The following TSPAN13 variants were observed in gnomAD, a reference collection of about 807,000 sequenced individuals.
TSPAN13 encodes tetraspanin 13.
Under a neutral mutation model 26.9 loss-of-function variants are expected in TSPAN13, and 18 were observed. The observed-to-expected ratio is 0.67, with a 90% CI of 0.46 to 0.99. TSPAN13 has a LOEUF of 0.99. Among genes scored for constraint, TSPAN13 ranks in the 50% least tolerant of loss-of-function variants. The pLI is 0.00. For missense variants in TSPAN13, 201 were observed against 249.6 expected (o/e 0.81, Z 1.31); for synonymous variants, 116 against 98.4 (o/e 1.18, Z -1.06).
intron 1 of TSPAN13, among the ~76,000 whole-genome samples, chr7:16,764,079 G>T (rs183192749): frequency 1.3e-5 from 2 of 152,030 alleles, no homozygotes; most frequent in African/African-American, 4.8e-5. Context: ...GTACAGTGGC[G>T]CAGTCTTGAC....
intron 1 of TSPAN13, among the ~76,000 whole-genome samples, chr7:16,757,506 C>G (rs1352463597): frequency 7.3e-6 from 1 of 136,270 alleles, no homozygotes; most frequent in Non-Finnish European, 1.7e-5. Context: ...AAACAAACAA[C>G]CAAAAAAAAG....
At chr7:16,764,184 ATTTT>A (rs60512988) in intron 1 of TSPAN13, among the ~76,000 whole-genome samples, 40 of 144,330 alleles carry the variant, frequency 2.8e-4, no homozygotes, top group Non-Finnish European at 3.4e-4. Flanking sequence ...TGCCCAGCTA[ATTTT>A]TTTTTTTTTT....
chr7:16,753,766 G>T lies in TSPAN13; in HGVS notation c.-202G>T, dbSNP rs1475666977. ...CTCGGGCTCCTGCTCCGGCTCAGCT[G>T]CGGCGGCCGCAGGTTCCAAAGCGGG... On this transcript the variant is annotated 5_prime_UTR_variant, in exon 1 of 6. Coordinates refer to ENST00000262067, the MANE Select transcript of TSPAN13 (RefSeq NM_014399.4). The T allele has an allele frequency of 4.4e-6, 2 of 455,908 alleles. No homozygotes were observed. Among genetic ancestry groups the T allele is most frequent in the Non-Finnish European group, 7.6e-6 (2 of 262,752 alleles). 28.2% of individuals were successfully genotyped at this position (455,908 alleles called of 1,614,324 possible).
At chr7:16,760,772 G>A (rs1375311812) in intron 1 of TSPAN13, among the ~76,000 whole-genome samples, 3 of 152,074 alleles carry the variant, frequency 2.0e-5, no homozygotes, top group African/African-American at 7.2e-5. Flanking sequence ...CAGAAGTCAA[G>A]TGCAAACCAT....
chr7:16,753,795 G>A lies in TSPAN13; in HGVS notation c.-173G>A, dbSNP rs950451877. The A allele has an allele frequency of 2.5e-5, 13 of 510,182 alleles. No individual in the cohort carries two copies. In the East Asian group the frequency reaches 4.0e-4, roughly 16 times the overall value. 31.6% of individuals were successfully genotyped at this position (510,182 alleles called of 1,614,324 possible). ...CGGCCGCAGGTTCCAAAGCGGGTCC[G>A]AGCCGCCGCCGCGCGCGCGCCGCGC... On this transcript the variant is annotated 5_prime_UTR_variant, in exon 1 of 6. Coordinates refer to ENST00000262067, the MANE Select transcript of TSPAN13 (RefSeq NM_014399.4).
rs1337435735 is a variant in TSPAN13, at chr7:16,776,281, T to G, written c.134T>G (p.Val45Gly). The change falls in exon 2 of 6, where the codon GTG (valine) becomes GGG (glycine). Residue 45 changes from valine to glycine, a missense_variant. Coordinates refer to ENST00000262067, the MANE Select transcript of TSPAN13 (RefSeq NM_014399.4). The part of the protein sequence containing the change: ...IGFGLISSLR[V>G]VGVVIAVGIF... The stretch of plus-strand genomic sequence containing the variant: ...TTCGGGCTGATTTCCAGTCTCCGAG[T>G]GGTCGGCGTGGTCATTGCAGTGGGC... 6.2e-7 allele frequency: 1 copy of G among 1,614,090 alleles called. No homozygotes were observed. Among genetic ancestry groups the G allele is most frequent in the South Asian group, 1.1e-5 (1 of 91,066 alleles).
intron 1 of TSPAN13, among the ~76,000 whole-genome samples, chr7:16,763,970 G>A (rs944080727): frequency 3.9e-5 from 6 of 152,200 alleles, no homozygotes; most frequent in East Asian, 1.9e-4. Context: ...TTCAACACCC[G>A]CTTATGCTAG....
chr7:16,763,830 A>T (rs1467029242), intron 1 of TSPAN13, among the ~76,000 whole-genome samples: 3 of 152,086 alleles, frequency 2.0e-5, no homozygotes, highest in Non-Finnish European at 4.4e-5. Flanking sequence ...AGGTTGCAAA[A>T]ACAACATGTG....
chr7:16,774,840 CTT>C (rs1290305891), intron 1 of TSPAN13, among the ~76,000 whole-genome samples: 1 of 151,994 alleles, frequency 6.6e-6, no homozygotes, highest in African/African-American at 2.4e-5. Flanking sequence ...AGTTTTGTCT[CTT>C]TGGCAAAAAA....
In TSPAN13 at chr7:16,754,695, A is replaced by C. The variant is rs1784462928; in HGVS notation, c.63+665A>C. ...AATATCCTAACTCCATTTTAAACCAAGTCCTCCAGGAAATAAGCGAGCCCC... is the reference window on the plus strand; with the variant it reads ...AATATCCTAACTCCATTTTAAACCACGTCCTCCAGGAAATAAGCGAGCCCC... On this transcript the variant is annotated intron_variant, in intron 1 of 5. Coordinates refer to ENST00000262067, the MANE Select transcript of TSPAN13 (RefSeq NM_014399.4). 2.0e-5 allele frequency among the ~76,000 whole-genome samples: 3 copies of C among 152,050 alleles called. No homozygotes were observed. The South Asian group carries it at 6.2e-4, about 32-fold the overall frequency.
At chr7:16,758,395 C>T (rs1025743534) in intron 1 of TSPAN13, among the ~76,000 whole-genome samples, 4 of 152,082 alleles carry the variant, frequency 2.6e-5, no homozygotes, top group Admixed American at 6.5e-5. Context: ...TGATATTTTT[C>T]AGTCGTCCCC....
At chr7:16,776,719 CTT>C in intron 2 of TSPAN13, among the ~76,000 whole-genome samples, 1 of 151,842 alleles carries the variant, frequency 6.6e-6, no homozygotes. Context: ...TTTTTTTAGA[CTT>C]AATATTAAAA....
At position 16,767,051 on chromosome 7, in the gene TSPAN13, G is replaced by A. The variant is rs545048383; in HGVS notation, c.64-9160G>A. On this transcript the variant is annotated intron_variant, in intron 1 of 5. Coordinates refer to ENST00000262067, the MANE Select transcript of TSPAN13 (RefSeq NM_014399.4). ...CAGGACTCCTGGGCTCAAGCAGTCT[G>A]TCTCGGCCTCCCAAGTCCCAGCTAC... Among the ~76,000 whole-genome samples the A allele has an allele frequency of 5.3e-5, 8 of 152,220 alleles. No individual in the cohort carries two copies. In the East Asian group the frequency reaches 1.4e-3, roughly 26 times the overall value.
rs781399813 is a variant in TSPAN13 at position 16,776,167 on chromosome 7, C to CCT, written c.64-36_64-35dup. 7.6e-6 allele frequency: 12 copies of CCT among 1,588,252 alleles called. No homozygotes were observed. The Admixed American group carries it at 1.0e-4, about 14-fold the overall frequency. ...AACTGGCATTTTCCCCATTCTCTCTCCTCTCTCTCGTCCTCTACCCCTGCC... is the reference window on the plus strand; with the variant it reads ...AACTGGCATTTTCCCCATTCTCTCTCCTCTCTCTCTCGTCCTCTACCCCTGCC... On this transcript the variant is annotated intron_variant, in intron 1 of 5. Transcript: ENST00000262067.
rs950451877 is a variant in TSPAN13, at chr7:16,753,795, G to C, written c.-173G>C. ...CGGCCGCAGGTTCCAAAGCGGGTCC[G>C]AGCCGCCGCCGCGCGCGCGCCGCGC... On this transcript the variant is annotated 5_prime_UTR_variant, in exon 1 of 6. Transcript: ENST00000262067. The C allele has an allele frequency of 7.8e-6, 4 of 510,182 alleles. No individual in the cohort carries two copies. The highest frequency in any genetic ancestry group is 5.1e-5 in the South Asian group (2 of 39,484). The allele number at this position is 510,182 out of a possible 1,614,324, so 31.6% of individuals were successfully genotyped here. A position where few individuals can be genotyped will look rare whatever the true frequency, so the allele number is the denominator to read the frequency against.
chr7:16,760,118 A>T (rs990629353), intron 1 of TSPAN13, among the ~76,000 whole-genome samples: 1 of 152,202 alleles, frequency 6.6e-6, no homozygotes, highest in Non-Finnish European at 1.5e-5. Context: ...CTATAGGGCC[A>T]TGAGCTTTTA....
At chr7:16,767,022 A>T (rs1014132859) in intron 1 of TSPAN13, among the ~76,000 whole-genome samples, 2 of 152,074 alleles carry the variant, frequency 1.3e-5, no homozygotes, top group Non-Finnish European at 1.5e-5. Context: ...AACGCACTGC[A>T]GCCCAGGACT....
rs764275389 is a variant in TSPAN13 at position 16,753,986 on chromosome 7, G to T, written c.19G>T (p.Ala7Ser). 2 of 1,613,456 alleles carry T rather than the reference G, an allele frequency of 1.2e-6. No homozygotes were observed. Among genetic ancestry groups the T allele is most frequent in the African/African-American group, 2.7e-5 (2 of 74,910 alleles). MVCGGF[A>S]CSKNCLCALN... is the part of the protein sequence containing the mutation. ...TTCCAAGATGGTTTGCGGGGGCTTC[G>T]CGTGTTCCAAGAACTGCCTGTGCGC... The change falls in exon 1 of 6, where the codon GCG becomes TCG. Residue 7 changes from alanine to serine, a missense_variant. Ala to Ser is a moderately conservative substitution (Grantham distance 99). Coordinates refer to ENST00000262067, the MANE Select transcript of TSPAN13 (RefSeq NM_014399.4).
chr7:16,770,078 A>G (rs1206960147), intron 1 of TSPAN13, among the ~76,000 whole-genome samples: 1 of 151,446 alleles, frequency 6.6e-6, no homozygotes, highest in Non-Finnish European at 1.5e-5. Flanking sequence ...TCTTTCTCCT[A>G]CCATTGGGTT....
Sources: allele counts gnomAD v4.1 joint callset (sites outside exome capture counted in the v4.1 genomes callset), GRCh38; gene constraint gnomAD v4.1.1; transcripts MANE v1.5; gene names NCBI Gene and HGNC (gene_info 2026-07-23, HGNC 2026-07-21).